DNAH9: variants seen among roughly 807,000 people sequenced by gnomAD.
The protein encoded by DNAH9 is DNAH9 variant protein.
In DNAH9, 345 loss-of-function variants were observed where a neutral mutation model predicts 471.6. That is an observed-to-expected ratio of 0.73 (90% CI 0.67 to 0.80). The LOEUF (loss-of-function observed/expected upper bound fraction) is 0.80. Among genes scored for constraint, DNAH9 ranks in the 30% least tolerant of loss-of-function variants. The pLI is 0.00. For synonymous variants in DNAH9, 2,093 were observed against 2,123.6 expected, an observed-to-expected ratio of 0.99 and a Z score of 0.40; for missense variants, 5,407 against 5,609.2, an observed-to-expected ratio of 0.96 and a Z score of 1.15.
At position 11,608,289 on chromosome 17, in the gene DNAH9, A is replaced by G; in HGVS notation, c.578A>G (p.Glu193Gly). The change falls in exon 2 of 69, where the codon GAA becomes GGA. Residue 193 changes from glutamate to glycine, a missense_variant. Physicochemically the swap from Glu to Gly is moderately conservative, Grantham distance 98. Coordinates refer to ENST00000262442, the MANE Select transcript of DNAH9 (RefSeq NM_001372.4). ...KTLLPLPAGSEKMEFADSKSE... is the reference protein window; with the variant it reads ...KTLLPLPAGSGKMEFADSKSE... ...TTGCTGCCTCTTCCAGCAGGCTCAG[A>G]AAAAATGGAGTTTGCGGATTCCAAA... The G allele has an allele frequency of 6.2e-7, 1 of 1,612,684 alleles. No individual in the cohort carries two copies. The highest frequency in any genetic ancestry group is 8.5e-7 in the Non-Finnish European group (1 of 1,179,490).
intron 28 of DNAH9, among the ~76,000 whole-genome samples, chr17:11,735,582 T>C (rs2075333810): frequency 6.6e-6 from 1 of 152,114 alleles, no homozygotes. Flanking sequence ...ATTACAGGCA[T>C]GTGCCACCAG....
chr17:11,621,918 A>C (rs1469494839), intron 6 of DNAH9, among the ~76,000 whole-genome samples: 2 of 6,126 alleles, frequency 3.3e-4, no homozygotes, highest in Non-Finnish European at 5.6e-4. Context: ...CGTCTCTACT[A>C]AAAATACAAA....
At chr17:11,745,208 T>A (rs568262902) in intron 31 of DNAH9, 124 bp downstream of exon 31, 93 of 800,400 alleles carry the variant, frequency 1.2e-4, no homozygotes, top group Middle Eastern at 5.1e-4. Flanking sequence ...TAGTTAGTAA[T>A]AACTCAATTC....
At chr17:11,774,733 T>C (rs1968351463) in intron 38 of DNAH9, among the ~76,000 whole-genome samples, 1 of 152,184 alleles carries the variant, frequency 6.6e-6, no homozygotes, top group Admixed American at 6.5e-5. Context: ...TCTTAATACA[T>C]GCAGATCTAT....
rs1161142228 is a variant in DNAH9, at chr17:11,875,107, C to T, written c.10401C>T (p.Asp3467=). Residue 3467 remains aspartate, a synonymous_variant, in exon 53 of 69, where the codon GAC becomes GAT. Coordinates refer to ENST00000262442, the MANE Select transcript of DNAH9 (RefSeq NM_001372.4). ...INCERWPLMV[D]PQLQGIKWIK... The stretch of plus-strand genomic sequence containing the variant: ...GTGAGCGCTGGCCACTCATGGTTGA[C>T]CCTCAGCTACAAGGCATCAAATGGA... The T allele has an allele frequency of 6.2e-7, 1 of 1,614,096 alleles. No individual in the cohort carries two copies. Among genetic ancestry groups the T allele is most frequent in the Non-Finnish European group, 8.5e-7 (1 of 1,180,030 alleles).
rs774998809 is a variant in DNAH9, at chr17:11,807,790, G to T, written c.8479G>T (p.Gly2827Cys). ...PRGNALLVGV[G>C]GSGKQSLTRL... ...GGGAAATGCTCTGCTGGTTGGTGTAGGTGGGAGCGGCAAGCAGAGCCTGAC... is the reference window on the plus strand; with the variant it reads ...GGGAAATGCTCTGCTGGTTGGTGTATGTGGGAGCGGCAAGCAGAGCCTGAC... Residue 2827 changes from glycine (G) to cysteine (C), a missense_variant, in exon 44 of 69, where the codon GGT becomes TGT. Around this residue, in one of 3 missense-constraint regions of DNAH9, gnomAD observed 4,636 missense variants for 4,900.3 expected, o/e 0.95. Transcript: ENST00000262442. 18 of 1,613,992 alleles carry T rather than the reference G, an allele frequency of 1.1e-5. No individual in the cohort carries two copies. Among genetic ancestry groups the T allele is most frequent in the Admixed American group, 1.7e-5 (1 of 59,996 alleles).
Position 11,652,911 on chromosome 17 carries a change from C to G in DNAH9, c.2504C>G (p.Ser835Cys). The change falls in exon 14 of 69, where the codon TCC becomes TGC. Residue 835 changes from serine (S) to cysteine (C), a missense_variant. Coordinates refer to ENST00000262442, the MANE Select transcript of DNAH9 (RefSeq NM_001372.4). ...AAGACAAAAGATGGAAAAAGGGAAT[C>G]CCTTCTTTCTCTGGATGATCGGCAT... ...IFKTKDGKRE[S>C]LLSLDDRHDR... 1 of 1,613,954 alleles carries G rather than the reference C, an allele frequency of 6.2e-7. No individual in the cohort carries two copies. The highest frequency in any genetic ancestry group is 8.5e-7 in the Non-Finnish European group (1 of 1,179,852).
rs767467371 is a variant in DNAH9, at chr17:11,871,759, T to C, written c.10215T>C (p.Thr3405=). The C allele has an allele frequency of 1.2e-6, 2 of 1,614,142 alleles. No homozygotes were observed. The highest frequency in any genetic ancestry group is 1.7e-5 in the Admixed American group (1 of 60,030). Reference sequence around the variant, plus strand: ...ACCGGCAGAGCCTCCTGGACAGAACTTGGAGGCCCTACCTGAGCCAGCTGA... The same window carrying C: ...ACCGGCAGAGCCTCCTGGACAGAACCTGGAGGCCCTACCTGAGCCAGCTGA... ...KKYRQSLLDR[T]WRPYLSQLKT... is the part of the protein sequence containing the mutation. Residue 3405 remains threonine, a synonymous_variant, in exon 52 of 69, where the codon ACT becomes ACC. Coordinates refer to ENST00000262442, the MANE Select transcript of DNAH9 (RefSeq NM_001372.4).
chr17:11,668,271 C>T (rs2073908825), intron 15 of DNAH9, among the ~76,000 whole-genome samples: 2 of 152,174 alleles, frequency 1.3e-5, no homozygotes, highest in South Asian at 4.1e-4. Flanking sequence ...GTCTGTACAT[C>T]GTTGACAAGC....
intron 67 of DNAH9, among the ~76,000 whole-genome samples, chr17:11,954,926 TA>T (rs1975562851): frequency 6.6e-6 from 1 of 152,192 alleles, no homozygotes. Context: ...AATCTTTTTT[TA>T]AAAATAATAG....
At chr17:11,840,662 GGGGATTATCT>G (rs1457254255) in intron 49 of DNAH9, among the ~76,000 whole-genome samples, 1 of 152,096 alleles carries the variant, frequency 6.6e-6, no homozygotes, top group Admixed American at 6.6e-5. Context: ...CTTGAGACAG[GGGGATTATCT>G]GGGATTATCC....
chr17:11,933,676 G>A (rs1318926024), intron 64 of DNAH9, among the ~76,000 whole-genome samples: 1 of 152,050 alleles, frequency 6.6e-6, no homozygotes, highest in Admixed American at 6.5e-5. Context: ...CACCGCGCCC[G>A]GCCTTCTTCA....
rs559384246 is a variant in DNAH9 at position 11,934,739 on chromosome 17, G to A, written c.12489+668G>A. 4.7e-3 allele frequency among the ~76,000 whole-genome samples: 718 copies of A among 151,302 alleles called. 29 individuals carry two copies. Among genetic ancestry groups the A allele is most frequent in the Admixed American group, 0.045 (681 of 15,230 alleles). On this transcript the variant is annotated intron_variant, in intron 65 of 68. Transcript: ENST00000262442. The stretch of plus-strand genomic sequence containing the variant: ...AGTGCTGGGATTACAGGCGTGAGCC[G>A]CCGCGCCTGGCCTGACAAAGCCGTT...
chr17:11,819,315 C>G (rs746435862), intron 45 of DNAH9, among the ~76,000 whole-genome samples: 5 of 152,142 alleles, frequency 3.3e-5, no homozygotes, highest in South Asian at 2.1e-4. Flanking sequence ...AATAAGAAAT[C>G]AAATGGGTTT....
chr17:11,806,676 A>T (rs942248563), intron 43 of DNAH9, among the ~76,000 whole-genome samples: 1 of 152,250 alleles, frequency 6.6e-6, no homozygotes, highest in Non-Finnish European at 1.5e-5. Flanking sequence ...ATGTACATAT[A>T]TATTTATAAA....
chr17:11,669,482 C>T lies in DNAH9; in HGVS notation c.3041C>T (p.Ser1014Leu), dbSNP rs199850591. ...CGYQSTFSQY[S>L]YLYVEDRKEV... is the part of the protein sequence containing the mutation. The stretch of plus-strand genomic sequence containing the variant: ...TATCAGAGCACCTTCAGCCAGTATT[C>T]GTACCTCTATGTGGAGGACCGGAAG... The change falls in exon 17 of 69, where the codon TCG becomes TTG. Residue 1014 changes from serine (S) to leucine (L), a missense_variant. By Grantham distance (145) the Ser-to-Leu change is moderately radical (BLOSUM62 -2). Around this residue, in one of 3 missense-constraint regions of DNAH9, gnomAD observed 4,636 missense variants for 4,900.3 expected, o/e 0.95. Transcript: ENST00000262442. 149 of 1,614,008 alleles carry T rather than the reference C, an allele frequency of 9.2e-5. No individual in the cohort carries two copies. Among genetic ancestry groups the T allele is most frequent in the Non-Finnish European group, 1.1e-4 (130 of 1,180,044 alleles).
At chr17:11,769,435 A>T in intron 38 of DNAH9, 106 bp downstream of exon 38, 1 of 960,866 alleles carries the variant, frequency 1.0e-6, no homozygotes, top group Non-Finnish European at 1.6e-6. Context: ...AGTTCTGCAT[A>T]CCCCAGCACT....
rs1430144328 is a variant in DNAH9, at chr17:11,962,079, C to T, written c.13056C>T (p.Pro4352=). The change falls in exon 68 of 69, where the codon CCC becomes CCT. Residue 4352 remains proline (P), a synonymous_variant. Transcript: ENST00000262442. The surrounding 1 kb of genome is among the most constrained non-coding windows in gnomAD (Gnocchi z 4.1). ...STVWLTGFFN[P]QSFLTAIMQS... ...TGTGGCTGACAGGCTTCTTCAACCC[C>T]CAGTCGTTCCTGACTGCCATCATGC... 8 of 1,614,154 alleles carry T rather than the reference C, an allele frequency of 5.0e-6. No individual in the cohort carries two copies. The highest frequency in any genetic ancestry group is 6.8e-6 in the Non-Finnish European group (8 of 1,180,034).
At chr17:11,958,744 A>T (rs75958292) in intron 67 of DNAH9, among the ~76,000 whole-genome samples, 7 of 151,264 alleles carry the variant, frequency 4.6e-5, no homozygotes, top group African/African-American at 1.5e-4. Flanking sequence ...AAAAAAAAAA[A>T]TAAAGTATAT....
Sources: gnomAD v4.1 joint callset for allele counts (sites outside exome capture counted in the v4.1 genomes callset) on GRCh38, gnomAD v4.1.1 for gene constraint, gnomAD v4.1.1 regional missense constraint, Gnocchi (gnomAD v3.1) non-coding constraint, MANE v1.5 for transcripts, NCBI Gene and HGNC (gene_info 2026-07-23, HGNC 2026-07-21) for gene names.